The following RASGRP4 variants were observed in gnomAD, a reference collection of about 807,000 sequenced individuals.
RASGRP4 encodes the protein RAS guanyl releasing protein 4, also known as RAS guanyl-releasing protein 4.
A neutral mutation model predicts 84.4 loss-of-function variants in RASGRP4; 52 were observed. That is an observed-to-expected ratio of 0.62 (90% CI 0.49 to 0.78). RASGRP4 has a LOEUF of 0.78. RASGRP4 is among the 30% of genes least tolerant of loss of function. The probability of loss-of-function intolerance (pLI) is 0.00; values close to 1 mark genes in which losing one functional copy is unlikely to be tolerated. For synonymous variants in RASGRP4, 356 were observed against 359.1 expected (o/e 0.99, Z 0.10); for missense variants, 760 against 886.9 (o/e 0.86, Z 1.82).
rs368195529 is a variant in RASGRP4, at chr19:38,413,344, G to T, written c.1312-47C>A. 2.7e-5 allele frequency: 44 copies of T among 1,603,426 alleles called. 1 individual carries two copies. Among genetic ancestry groups the T allele is most frequent in the African/African-American group, 6.7e-5 (5 of 74,792 alleles). On this transcript the variant is annotated intron_variant, in intron 10 of 16. Transcript: ENST00000615439. The surrounding 1 kb of genome is among the most constrained non-coding windows in gnomAD (Gnocchi z 4.7). Reference sequence around the variant, plus strand: ...ACAGTTAGTCACTGCATAGGCTTAGGGGGGGTTCGAGGTAATTGGGGGAGT... The same window carrying T: ...ACAGTTAGTCACTGCATAGGCTTAGTGGGGGTTCGAGGTAATTGGGGGAGT...
chr19:38,416,019 A>G (rs1362381095), intron 8 of RASGRP4, among the ~76,000 whole-genome samples: 1 of 151,264 alleles, frequency 6.6e-6, no homozygotes, highest in Admixed American at 6.6e-5. Flanking sequence ...AGATTTCGAC[A>G]CTGTACTCCA....
In RASGRP4 at chr19:38,418,050, G is replaced by C. The variant is rs1041624778; in HGVS notation, c.837+341C>G. 1.3e-5 allele frequency among the ~76,000 whole-genome samples: 2 copies of C among 152,110 alleles called. No individual in the cohort carries two copies. The highest frequency in any genetic ancestry group is 4.8e-5 in the African/African-American group (2 of 41,418). On this transcript the variant is annotated intron_variant, in intron 7 of 16. Transcript: ENST00000615439. The surrounding 1 kb of genome is among the most constrained non-coding windows in gnomAD (Gnocchi z 4.6). ...TCCCGAAGCGACCGCTGGGGCCTGGGGACTGGGGATTGAAGCCTCGGGCTT... is the reference window on the plus strand; with the variant it reads ...TCCCGAAGCGACCGCTGGGGCCTGGCGACTGGGGATTGAAGCCTCGGGCTT...
At position 38,411,162 on chromosome 19, in the gene RASGRP4, G is replaced by C. The variant is rs760304432; in HGVS notation, c.1805C>G (p.Pro602Arg). The change falls in exon 15 of 17, where the codon CCC (proline) becomes CGC (arginine). Residue 602 changes from proline (P) to arginine (R), a missense_variant. Physicochemically the swap from Pro to Arg is moderately radical, Grantham distance 103 (BLOSUM62 -2). Transcript: ENST00000615439. ...TGTGGATGGGACAGGAGCTCCGGGG[G>C]GTCCTGCATCGCCCTTGGCCCCTGG... ...KRPGAKGDAGPPGAPVPSTPA... is the reference protein window; with the variant it reads ...KRPGAKGDAGRPGAPVPSTPA... 1.9e-6 allele frequency: 3 copies of C among 1,613,796 alleles called. No individual in the cohort carries two copies. The highest frequency in any genetic ancestry group is 1.1e-5 in the South Asian group (1 of 91,092).
At chr19:38,419,752 T>C in intron 6 of RASGRP4, 108 bp downstream of exon 6, 1 of 1,123,906 alleles carries the variant, frequency 8.9e-7, no homozygotes, top group Admixed American at 2.5e-5. Context: ...TTGAGATCTC[T>C]GCCGAATGAC....
chr19:38,409,110 C>A lies in RASGRP4; in HGVS notation c.*930G>T. On this transcript the variant is annotated 3_prime_UTR_variant, in exon 17 of 17. Transcript: ENST00000615439. ...GCTGTAGGACCTCTCTCTGTGGGGG[C>A]CAAGTCAGGGGTGTTGGGGTTTGTG... The A allele has an allele frequency of 2.4e-6, 1 of 420,358 alleles. No homozygotes were observed. The highest frequency in any genetic ancestry group is 4.4e-5 in the East Asian group (1 of 22,756). The allele number at this position is 420,358 out of a possible 1,614,324, so 26.0% of individuals were successfully genotyped here.
chr19:38,415,041 A>C lies in RASGRP4; in HGVS notation c.1037T>G (p.Phe346Cys). ...YRRTWAGCAG[F>C]RLPVLGVHLK... ...GTGCACGCCCAGTACAGGCAGCCGG[A>C]AACCCGCGCAGCCAGCCCAGGTGCG... Residue 346 changes from phenylalanine (F) to cysteine (C), a missense_variant, in exon 9 of 17, where the codon TTC (phenylalanine) becomes TGC (cysteine). Phe to Cys is a radical substitution (Grantham distance 205, BLOSUM62 -2). Transcript: ENST00000615439. The C allele has an allele frequency of 6.2e-7, 1 of 1,608,128 alleles. No individual in the cohort carries two copies. The highest frequency in any genetic ancestry group is 8.5e-7 in the Non-Finnish European group (1 of 1,177,706).
intron 2 of RASGRP4, among the ~76,000 whole-genome samples, chr19:38,421,649 T>C (rs1266433550): frequency 6.6e-6 from 1 of 151,490 alleles, no homozygotes; most frequent in Non-Finnish European, 1.5e-5. Context: ...GAGGTGGGGG[T>C]TGCAGTGAGC....
rs767792931 is a variant in RASGRP4, at chr19:38,414,867, T to A, written c.1211A>T (p.Asp404Val). 2 of 1,598,388 alleles carry A rather than the reference T, an allele frequency of 1.3e-6. No individual in the cohort carries two copies. The highest frequency in any genetic ancestry group is 1.7e-6 in the Non-Finnish European group (2 of 1,172,912). The change falls in exon 9 of 17, where the codon GAT (aspartate) becomes GTT (valine). Residue 404 changes from aspartate to valine, a missense_variant. Coordinates refer to ENST00000615439, the MANE Select transcript of RASGRP4 (RefSeq NM_170604.3). ...GCTCACCGTGAGCAGGTGCAGCAGA[T>A]CCTCATTGGCGCTGCAGGGTGGATG... ...GQHPPCSANE[D>V]LLHLLTLSLD...
chr19:38,426,024 G>A (rs1971979447), intron 1 of RASGRP4, 45 bp downstream of exon 1: 2 of 1,351,736 alleles, frequency 1.5e-6, no homozygotes, highest in South Asian at 2.0e-5. Flanking sequence ...CATGCAGAGG[G>A]AGGCCTCAGG....
Position 38,410,889 on chromosome 19 carries a change from A to G in RASGRP4, c.1962T>C (p.Asp654=). 6.3e-7 allele frequency: 1 copy of G among 1,591,616 alleles called. No individual in the cohort carries two copies. Among genetic ancestry groups the G allele is most frequent in the South Asian group, 1.1e-5 (1 of 87,542 alleles). The change falls in exon 16 of 17, where the codon GAT becomes GAC. Residue 654 remains aspartate (D), a synonymous_variant. Coordinates refer to ENST00000615439, the MANE Select transcript of RASGRP4 (RefSeq NM_170604.3). ...TESPHPSWET[D]TVPCPVMDPP... is the part of the protein sequence containing the mutation. The stretch of plus-strand genomic sequence containing the variant: ...GGTAGGGGCGGTTTCTCCTCACCGT[A>G]TCTGTTTCCCAGGAAGGGTGTGGGG...
In RASGRP4 at chr19:38,411,337, C is replaced by T; in HGVS notation, c.1717+8G>A. On this transcript the variant is annotated splice_region_variant and intron_variant, in intron 14 of 16. Coordinates refer to ENST00000615439, the MANE Select transcript of RASGRP4 (RefSeq NM_170604.3). Reference sequence around the variant, plus strand: ...GGCTTCCCTCCCACTCACTGACACCCCACTCACCCCGACAGCGGTAGCCTT... The same window carrying T: ...GGCTTCCCTCCCACTCACTGACACCTCACTCACCCCGACAGCGGTAGCCTT... 6.2e-7 allele frequency: 1 copy of T among 1,605,264 alleles called. No homozygotes were observed.
intron 8 of RASGRP4, among the ~76,000 whole-genome samples, chr19:38,416,777 C>G (rs978399135): frequency 6.6e-6 from 1 of 152,200 alleles, no homozygotes; most frequent in Non-Finnish European, 1.5e-5. Flanking sequence ...CCCATGGGGA[C>G]TGCAAAGTTC....
Position 38,418,539 on chromosome 19 carries a change from A to AT in RASGRP4, c.688_689insA (p.Leu230TyrfsTer86). 6.5e-7 allele frequency: 1 copy of AT among 1,540,798 alleles called. No homozygotes were observed. Among genetic ancestry groups the AT allele is most frequent in the Non-Finnish European group, 8.8e-7 (1 of 1,141,930 alleles). On this transcript the variant is annotated frameshift_variant, in exon 7 of 17. Coordinates refer to ENST00000615439, the MANE Select transcript of RASGRP4 (RefSeq NM_170604.3). LOFTEE classifies it high-confidence loss of function. This position sits in a 1 kb window ranked among gnomAD's most constrained non-coding sequence, Gnocchi z 4.6. ...CGGGCAGCCTCGTACTGAGCCCTGC[A>AT]AAACGTAGCTCCGCAGGTCCTGGGG... is the stretch of plus-strand genomic sequence containing the variant.
In RASGRP4 at chr19:38,413,656, C is replaced by T. The variant is rs182378085; in HGVS notation, c.1231-182G>A. 2.6e-5 allele frequency among the ~76,000 whole-genome samples: 4 copies of T among 152,242 alleles called. No individual in the cohort carries two copies. Among genetic ancestry groups the T allele is most frequent in the South Asian group, 4.2e-4 (2 of 4,816 alleles). On this transcript the variant is annotated intron_variant, in intron 9 of 16. Coordinates refer to ENST00000615439, the MANE Select transcript of RASGRP4 (RefSeq NM_170604.3). The surrounding 1 kb of genome is among the most constrained non-coding windows in gnomAD (Gnocchi z 4.7). ...AGTTTCCCAATCTACAGAATGGGCACAGTAAGGGTCCCGACCTCATAGGGT... is the reference window on the plus strand; with the variant it reads ...AGTTTCCCAATCTACAGAATGGGCATAGTAAGGGTCCCGACCTCATAGGGT...
chr19:38,419,114 A>G (rs1346974965), intron 6 of RASGRP4, among the ~76,000 whole-genome samples: 2 of 152,214 alleles, frequency 1.3e-5, no homozygotes, highest in Non-Finnish European at 2.9e-5. Context: ...ACAGTTTCAC[A>G]TGAAGGAAAC....
chr19:38,410,511 C>G (rs754028575), intron 16 of RASGRP4, among the ~76,000 whole-genome samples: 2 of 151,580 alleles, frequency 1.3e-5, no homozygotes, highest in Non-Finnish European at 2.9e-5. Flanking sequence ...CTCCCGGGCT[C>G]AAGTGATTCT....
rs186396832 is a variant in RASGRP4, at chr19:38,425,002, G to A, written c.23+1067C>T. On this transcript the variant is annotated intron_variant, in intron 1 of 16. Coordinates refer to ENST00000615439, the MANE Select transcript of RASGRP4 (RefSeq NM_170604.3). ...AGATCGAGACCATCCTGCCCAACAT[G>A]GTGAAACCCCATCTCTACTAAAAAT... Among the ~76,000 whole-genome samples the A allele has an allele frequency of 7.9e-5, 12 of 152,058 alleles. No individual in the cohort carries two copies. The East Asian group carries it at 2.3e-3, about 30-fold the overall frequency.
chr19:38,415,143 G>T lies in RASGRP4; in HGVS notation c.955-20C>A. 1 of 1,570,962 alleles carries T rather than the reference G, an allele frequency of 6.4e-7. No individual in the cohort carries two copies. Among genetic ancestry groups the T allele is most frequent in the Non-Finnish European group, 8.6e-7 (1 of 1,156,418 alleles). Reference sequence around the variant, plus strand: ...GAGGGCCTGGGGAGGAGGGACATGGGATTGGGGCGTTATCAGGACAGTCCC... The same window carrying T: ...GAGGGCCTGGGGAGGAGGGACATGGTATTGGGGCGTTATCAGGACAGTCCC... On this transcript the variant is annotated intron_variant, in intron 8 of 16. Transcript: ENST00000615439.
intron 6 of RASGRP4, 99 bp downstream of exon 6, chr19:38,419,761 A>T: frequency 8.6e-7 from 1 of 1,165,222 alleles, no homozygotes; most frequent in Non-Finnish European, 1.2e-6. Context: ...CTGCCGAATG[A>T]CCATGCAGGT....
Sources: allele counts gnomAD v4.1 joint callset (sites outside exome capture counted in the v4.1 genomes callset), GRCh38; gene constraint gnomAD v4.1.1; non-coding constraint Gnocchi (gnomAD v3.1); transcripts MANE v1.5; gene names NCBI Gene and HGNC (gene_info 2026-07-23, HGNC 2026-07-21).